Variants in ATE1 observed in about 807,000 individuals in gnomAD.
ATE1 encodes arginyltransferase 1.
A neutral mutation model predicts 70.5 loss-of-function variants in ATE1; 36 were observed. That is an observed-to-expected ratio of 0.51 (90% CI 0.39 to 0.67). ATE1 has a LOEUF of 0.67. Among genes scored for constraint, ATE1 ranks in the 30% least tolerant of loss-of-function variants. ATE1 has a pLI of 0.00. For missense variants in ATE1, 593 were observed against 629.5 expected (o/e 0.94, Z 0.62); for synonymous variants, 232 against 219.3 (o/e 1.06, Z -0.51).
At chr10:121,760,433 G>A (rs980342836) in intron 11 of ATE1, among the ~76,000 whole-genome samples, 3 of 152,194 alleles carry the variant, frequency 2.0e-5, no homozygotes, top group Admixed American at 1.3e-4. Context: ...ACATTTGGAC[G>A]AAGTTGATTC....
chr10:121,806,361 G>GA lies in ATE1; in HGVS notation c.1258-16073dup, dbSNP rs534078245. Among the ~76,000 whole-genome samples the GA allele has an allele frequency of 7.2e-5, 11 of 152,236 alleles. No homozygotes were observed. In the South Asian group the frequency reaches 2.3e-3, roughly 32 times the overall value. On this transcript the variant is annotated intron_variant, in intron 10 of 11. Transcript: ENST00000224652. ...CCAGCTACTTGAGGGGCTGAAGTGGGAAGATCACTTGAGCCTGGGAAGTTG... is the reference window on the plus strand; with the variant it reads ...CCAGCTACTTGAGGGGCTGAAGTGGGAAAGATCACTTGAGCCTGGGAAGTTG...
chr10:121,919,102 C>A (rs754836142), intron 3 of ATE1, among the ~76,000 whole-genome samples: 7 of 152,128 alleles, frequency 4.6e-5, no homozygotes, highest in Non-Finnish European at 1.0e-4. Context: ...GCTGGCCACC[C>A]TACCCAGCAG....
intron 11 of ATE1, among the ~76,000 whole-genome samples, chr10:121,762,246 T>C (rs1197629208): frequency 6.6e-6 from 1 of 152,222 alleles, no homozygotes; most frequent in African/African-American, 2.4e-5. Flanking sequence ...TCTCCCTTCT[T>C]TACCTATTAA....
At chr10:121,852,959 A>G (rs1949110823) in intron 8 of ATE1, among the ~76,000 whole-genome samples, 2 of 152,198 alleles carry the variant, frequency 1.3e-5, no homozygotes, top group Non-Finnish European at 2.9e-5. Context: ...GACACTAAAG[A>G]CAGGGGAAAA....
chr10:121,829,626 T>C (rs2133682416), intron 10 of ATE1, among the ~76,000 whole-genome samples: 1 of 150,574 alleles, frequency 6.6e-6, no homozygotes, highest in South Asian at 2.1e-4. Flanking sequence ...GAGAATTGCT[T>C]AAACCTAGAG....
At chr10:121,906,958 A>G (rs1951220846) in intron 5 of ATE1, among the ~76,000 whole-genome samples, 1 of 152,152 alleles carries the variant, frequency 6.6e-6, no homozygotes, top group Non-Finnish European at 1.5e-5. Flanking sequence ...AAGTGAAAAA[A>G]ATAAGAACCC....
intron 3 of ATE1, among the ~76,000 whole-genome samples, chr10:121,917,211 G>A (rs77210826): frequency 0.068 from 10,329 of 152,030 alleles, 1,076 homozygotes; most frequent in African/African-American, 0.22. Context: ...GGTGCAGGGG[G>A]TAACCTGTTC....
At chr10:121,898,973 C>T (rs1461594620) in intron 7 of ATE1, 44 of 1,612,408 alleles carry the variant, frequency 2.7e-5, no homozygotes, top group Non-Finnish European at 3.6e-5. Context: ...ACCTCACCTT[C>T]AGAGCAAGGA....
chr10:121,924,252 T>C lies in ATE1; in HGVS notation c.170+14A>G, dbSNP rs756442643. 6.2e-7 allele frequency: 1 copy of C among 1,611,752 alleles called. No individual in the cohort carries two copies. Among genetic ancestry groups the C allele is most frequent in the East Asian group, 2.2e-5 (1 of 44,856 alleles). On this transcript the variant is annotated intron_variant, in intron 2 of 11. Coordinates refer to ENST00000224652, the MANE Select transcript of ATE1 (RefSeq NM_001001976.3). ...AGTAACAGTAGGAAGTCTCTTTGTA[T>C]CTGGAAGCTTTACCTTCGCCATCCT...
At chr10:121,757,695 A>G (rs779217933) in intron 11 of ATE1, among the ~76,000 whole-genome samples, 1 of 152,186 alleles carries the variant, frequency 6.6e-6, no homozygotes, top group Non-Finnish European at 1.5e-5. Context: ...ACTATCACAA[A>G]AACAGTACAG....
At chr10:121,859,318 G>A (rs1188963713) in intron 8 of ATE1, among the ~76,000 whole-genome samples, 9 of 149,584 alleles carry the variant, frequency 6.0e-5, no homozygotes, top group South Asian at 4.2e-4. Flanking sequence ...GTGCAGTGGC[G>A]GGATCTCGGC....
At chr10:121,756,301 T>C (rs1590217327) in intron 11 of ATE1, among the ~76,000 whole-genome samples, 1 of 152,218 alleles carries the variant, frequency 6.6e-6, no homozygotes, top group East Asian at 1.9e-4. Flanking sequence ...TTTCAGGGTA[T>C]AGCCTCCCTC....
At chr10:121,845,070 G>T (rs149547812) in intron 8 of ATE1, among the ~76,000 whole-genome samples, 78 of 152,278 alleles carry the variant, frequency 5.1e-4, no homozygotes, top group African/African-American at 1.9e-3. Context: ...ACACTTAAGA[G>T]ACTACAGTGT....
Position 121,900,008 on chromosome 10 carries a change from T to C in ATE1, c.814-14A>G. On this transcript the variant is annotated splice_polypyrimidine_tract_variant and intron_variant, in intron 6 of 11. Coordinates refer to ENST00000224652, the MANE Select transcript of ATE1 (RefSeq NM_001001976.3). The stretch of plus-strand genomic sequence containing the variant: ...CACCACCCTCACCTTCAGAAGCAGT[T>C]AAAAAAACAAGTTTACTAATTCATT... 1 of 1,610,066 alleles carries C rather than the reference T, an allele frequency of 6.2e-7. No individual in the cohort carries two copies.
chr10:121,928,171 G>A, upstream of ATE1: 2 of 1,291,254 alleles, frequency 1.5e-6, no homozygotes, highest in Non-Finnish European at 2.0e-6. Flanking sequence ...TTCTCCATAA[G>A]GGGCCGCCGT....
chr10:121,834,966 A>G (rs1948380022), intron 10 of ATE1, among the ~76,000 whole-genome samples: 1 of 152,206 alleles, frequency 6.6e-6, no homozygotes, highest in African/African-American at 2.4e-5. Context: ...TAAATACATT[A>G]AAGTATCTTG....
intron 10 of ATE1, among the ~76,000 whole-genome samples, chr10:121,809,307 T>TA (rs112142875): frequency 0.16 from 23,544 of 143,966 alleles, 1,893 homozygotes; most frequent in East Asian, 0.32. Context: ...TTTTTTCAAG[T>TA]AAAAAAAAAA....
At chr10:121,787,431 T>C (rs980462875) in intron 11 of ATE1, among the ~76,000 whole-genome samples, 1 of 152,232 alleles carries the variant, frequency 6.6e-6, no homozygotes, top group East Asian at 1.9e-4. Context: ...AGCATGTAAC[T>C]GCATTTTAAT....
intron 11 of ATE1, among the ~76,000 whole-genome samples, chr10:121,763,266 C>A (rs1436794446): frequency 6.6e-6 from 1 of 151,886 alleles, no homozygotes; most frequent in Non-Finnish European, 1.5e-5. Context: ...TGGTATTGAT[C>A]CAGATGAATT....
Sources: allele counts gnomAD v4.1 joint callset (sites outside exome capture counted in the v4.1 genomes callset), GRCh38; gene constraint gnomAD v4.1.1; transcripts MANE v1.5; gene names NCBI Gene and HGNC (gene_info 2026-07-23, HGNC 2026-07-21).